LHX6: variants seen among roughly 807,000 people sequenced by gnomAD.
LHX6 encodes LIM/homeobox protein Lhx6.
Under a neutral mutation model 47.1 loss-of-function variants are expected in LHX6, and 15 were observed. The observed-to-expected ratio is 0.32, with a 90% confidence interval of 0.21 to 0.49. The LOEUF is 0.49. Among genes scored for constraint, LHX6 ranks in the 20% least tolerant of loss-of-function variants. LHX6 has a pLI of 0.99. For missense variants in LHX6, 404 were observed against 539.6 expected (o/e 0.75, Z 2.49); for synonymous variants, 242 against 233.5 (o/e 1.04, Z -0.33).
intron 9 of LHX6, among the ~76,000 whole-genome samples, chr9:122,209,156 C>T (rs1373649221): frequency 6.6e-6 from 1 of 152,348 alleles, no homozygotes; most frequent in East Asian, 1.9e-4. Context: ...CCTGAGACAA[C>T]CAGAAATCCT....
rs1177386934 is a variant in LHX6 at position 122,204,385 on chromosome 9, G to A, written c.*375C>T. On this transcript the variant is annotated 3_prime_UTR_variant, in exon 10 of 10. Transcript: ENST00000394319. ...AAGGAAGTAGTAAATAAAGGCCAAT[G>A]TGGGGGAAAAAAACCTGTAAATGAG... is the stretch of plus-strand genomic sequence containing the variant. The A allele has an allele frequency of 9.6e-6, 3 of 312,922 alleles. No individual in the cohort carries two copies. The highest frequency in any genetic ancestry group is 1.8e-5 in the Non-Finnish European group (3 of 171,346). 19.4% of individuals were successfully genotyped at this position (312,922 alleles called of 1,614,324 possible). A position where few individuals can be genotyped will look rare whatever the true frequency, so the allele number is the denominator to read the frequency against.
intron 4 of LHX6, among the ~76,000 whole-genome samples, chr9:122,218,991 C>T (rs888935978): frequency 3.3e-5 from 5 of 152,120 alleles, no homozygotes; most frequent in Non-Finnish European, 5.9e-5. Context: ...GAGTTGGGGT[C>T]CCGGGGTTGG....
Position 122,217,031 on chromosome 9 carries a change from C to T in LHX6, c.682+37G>A, listed in dbSNP as rs774873502. On this transcript the variant is annotated intron_variant, in intron 5 of 9. Coordinates refer to ENST00000394319, the MANE Select transcript of LHX6 (RefSeq NM_014368.5). This position sits in a 1 kb window ranked among gnomAD's most constrained non-coding sequence, Gnocchi z 4.9. The stretch of plus-strand genomic sequence containing the variant: ...TGGGGTGGGGTGGGGTGGGAAAGGG[C>T]TGGGGGCAGAGGTGCCAGGCGGAGC... The T allele has an allele frequency of 7.0e-6, 11 of 1,580,266 alleles. No homozygotes were observed. Among genetic ancestry groups the T allele is most frequent in the African/African-American group, 6.7e-5 (5 of 74,296 alleles).
rs922854048 is a variant in LHX6, at chr9:122,217,873, G to A, written c.462-585C>T. On this transcript the variant is annotated intron_variant, in intron 4 of 9. Transcript: ENST00000394319. The surrounding 1 kb of genome is among the most constrained non-coding windows in gnomAD (Gnocchi z 4.9). ...CTGGCTTTGTGACACTAGGCAAACT[G>A]TTTAACTCTGAGTTCTCGTTTTCCT... Among the ~76,000 whole-genome samples, 1 of 152,190 alleles carries A rather than the reference G, an allele frequency of 6.6e-6. No individual in the cohort carries two copies. Among genetic ancestry groups the A allele is most frequent in the African/African-American group, 2.4e-5 (1 of 41,432 alleles).
rs186921183 is a variant in LHX6, at chr9:122,202,767, G to A, written c.*1993C>T. On this transcript the variant is annotated 3_prime_UTR_variant, in exon 10 of 10. Coordinates refer to ENST00000394319, the MANE Select transcript of LHX6 (RefSeq NM_014368.5). ...TTTAAATAAATAGTCTTGATGGCCT[G>A]TACGTTCCCAGGCTGCTCTTAACAG... is the stretch of plus-strand genomic sequence containing the variant. The A allele has an allele frequency of 2.0e-5, 3 of 152,498 alleles. No individual in the cohort carries two copies. Among genetic ancestry groups the A allele is most frequent in the East Asian group, 1.9e-4 (1 of 5,194 alleles). The allele number at this position is 152,498 out of a possible 1,614,324, so 9.4% of individuals were successfully genotyped here.
At chr9:122,222,509 T>C (rs550113920) in intron 4 of LHX6, among the ~76,000 whole-genome samples, 3 of 152,144 alleles carry the variant, frequency 2.0e-5, no homozygotes, top group East Asian at 3.9e-4. Context: ...GAGTGTGAAT[T>C]GGAGAAACTG....
chr9:122,228,536 C>G, intron 1 of LHX6, 121 bp downstream of exon 1: 6 of 1,356,696 alleles, frequency 4.4e-6, no homozygotes, highest in Non-Finnish European at 5.7e-6. Flanking sequence ...AGCACACACT[C>G]ACAGGCGCAC....
rs1236071748 is a variant in LHX6, at chr9:122,228,916, T to C, written c.-176A>G. 3 of 218,500 alleles carry C rather than the reference T, an allele frequency of 1.4e-5. No individual in the cohort carries two copies. The highest frequency in any genetic ancestry group is 6.6e-5 in the Admixed American group (1 of 15,260). 13.5% of individuals were successfully genotyped at this position (218,500 alleles called of 1,614,324 possible). ...CCCCGGCCCGCGCGCAGCCCCGGCC[T>C]CCCTGGCTGCTGCCGCCGCTGCCTC... On this transcript the variant is annotated 5_prime_UTR_variant, in exon 1 of 10. Transcript: ENST00000394319.
Position 122,217,147 on chromosome 9 carries a change from G to A in LHX6, c.603C>T (p.Phe201=), listed in dbSNP as rs770315479. The A allele has an allele frequency of 3.1e-6, 5 of 1,614,244 alleles. No homozygotes were observed. The highest frequency in any genetic ancestry group is 2.2e-5 in the South Asian group (2 of 91,080). The change falls in exon 5 of 10, where the codon TTC becomes TTT. Residue 201 remains phenylalanine, a synonymous_variant. Coordinates refer to ENST00000394319, the MANE Select transcript of LHX6 (RefSeq NM_014368.5). This position sits in a 1 kb window ranked among gnomAD's most constrained non-coding sequence, Gnocchi z 4.9. ...CKRQLSTGEE[F]GLVEEKVLCR... ...AGAGCACCTTCTCCTCGACCAGGCC[G>A]AACTCCTCACCAGTGGACAGCTGGC...
At chr9:122,216,201 T>C (rs2118864544) in intron 5 of LHX6, among the ~76,000 whole-genome samples, 1 of 152,300 alleles carries the variant, frequency 6.6e-6, no homozygotes, top group South Asian at 2.1e-4. Flanking sequence ...TTGTAAGGAT[T>C]ACATAAAATA....
Position 122,227,363 on chromosome 9 carries a change from G to A in LHX6, c.156+46C>T, listed in dbSNP as rs75405462. The stretch of plus-strand genomic sequence containing the variant: ...AAACCTGGCCAGGTCCCCAGGGCCG[G>A]GCCGCTGGAGGACTGGGCACCGCAG... On this transcript the variant is annotated intron_variant, in intron 2 of 9. Transcript: ENST00000394319. 1.1e-4 allele frequency: 158 copies of A among 1,464,814 alleles called. No homozygotes were observed. The East Asian group carries it at 4.3e-3, about 40-fold the overall frequency. The allele number at this position is 1,464,814 out of a possible 1,614,324, so 90.7% of individuals were successfully genotyped here.
chr9:122,228,109 C>G, intron 1 of LHX6: 1 of 554,194 alleles, frequency 1.8e-6, no homozygotes. Context: ...TGAGCACCCG[C>G]CCGCCCGCCC....
In LHX6 at chr9:122,228,649, C is replaced by T; in HGVS notation, c.84+8G>A. 7.7e-7 allele frequency: 1 copy of T among 1,306,738 alleles called. No homozygotes were observed. Among genetic ancestry groups the T allele is most frequent in the Non-Finnish European group, 9.7e-7 (1 of 1,030,642 alleles). 80.9% of individuals were successfully genotyped at this position (1,306,738 alleles called of 1,614,324 possible). On this transcript the variant is annotated splice_region_variant and intron_variant, in intron 1 of 9. Transcript: ENST00000394319. ...CCGGGCCGCTCACCCAGTCGTTCGC[C>T]GGCTCACCTGGTCGGTGGCGGGGCC...
At chr9:122,227,850 T>A in intron 1 of LHX6, 1 of 344,924 alleles carries the variant, frequency 2.9e-6, no homozygotes, top group East Asian at 6.4e-5. Flanking sequence ...AGCCAGAGTG[T>A]CAATTCCAAC....
In LHX6 at chr9:122,228,778, G is replaced by T; in HGVS notation, c.-38C>A. ...CTCGGGCTCAGCGGGCGCGCAGCGCGGAGAGCTGCGCCGAGGGGGACCACA... is the reference window on the plus strand; with the variant it reads ...CTCGGGCTCAGCGGGCGCGCAGCGCTGAGAGCTGCGCCGAGGGGGACCACA... On this transcript the variant is annotated 5_prime_UTR_variant, in exon 1 of 10. Transcript: ENST00000394319. The T allele has an allele frequency of 8.2e-7, 1 of 1,215,202 alleles. No individual in the cohort carries two copies. Among genetic ancestry groups the T allele is most frequent in the Non-Finnish European group, 1.0e-6 (1 of 969,524 alleles). The allele number at this position is 1,215,202 out of a possible 1,614,324, so 75.3% of individuals were successfully genotyped here.
At chr9:122,206,201 C>T (rs1452835426) in intron 9 of LHX6, among the ~76,000 whole-genome samples, 2 of 152,116 alleles carry the variant, frequency 1.3e-5, no homozygotes, top group South Asian at 2.1e-4. Flanking sequence ...AATGACGATG[C>T]GGTGGAGGCA....
Position 122,213,816 on chromosome 9 carries a change from A to T in LHX6, c.880-36T>A. ...AGCCTCGGCAGCCTCAGCCTCGAGG[A>T]AAAGAGTCGGACGCGCCGCCGGGAG... On this transcript the variant is annotated intron_variant, in intron 7 of 9. Coordinates refer to ENST00000394319, the MANE Select transcript of LHX6 (RefSeq NM_014368.5). This position sits in a 1 kb window ranked among gnomAD's most constrained non-coding sequence, Gnocchi z 5.5. The T allele has an allele frequency of 1.3e-6, 2 of 1,556,486 alleles. No homozygotes were observed. The highest frequency in any genetic ancestry group is 1.7e-6 in the Non-Finnish European group (2 of 1,151,026).
chr9:122,209,735 C>T lies in LHX6; in HGVS notation c.1055-18G>A, dbSNP rs1415427693. ...TACCTGACCTGTGGACGAGAGGATG[C>T]CTTGGAGCTCATCCCCCAGGCTGCA... On this transcript the variant is annotated intron_variant, in intron 8 of 9. Transcript: ENST00000394319. 2 of 794,206 alleles carry T rather than the reference C, an allele frequency of 2.5e-6. No homozygotes were observed. Among genetic ancestry groups the T allele is most frequent in the Admixed American group, 1.7e-5 (1 of 58,530 alleles). 49.2% of individuals were successfully genotyped at this position (794,206 alleles called of 1,614,324 possible). A position where few individuals can be genotyped will look rare whatever the true frequency, so the allele number is the denominator to read the frequency against.
At chr9:122,222,413 AT>A (rs201683889) in intron 4 of LHX6, among the ~76,000 whole-genome samples, 101 of 151,728 alleles carry the variant, frequency 6.7e-4, no homozygotes, top group African/African-American at 2.3e-3. Context: ...TTCTGGTGGT[AT>A]TTTTTTTTCC....
Sources: allele counts gnomAD v4.1 joint callset (sites outside exome capture counted in the v4.1 genomes callset), GRCh38; gene constraint gnomAD v4.1.1; non-coding constraint Gnocchi (gnomAD v3.1); transcripts MANE v1.5; gene names NCBI Gene and HGNC (gene_info 2026-07-23, HGNC 2026-07-21).